ANGPT4: variants seen among roughly 807,000 people sequenced by gnomAD.
ANGPT4 encodes angiopoietin-4.
In ANGPT4, 50 loss-of-function variants were observed where a neutral mutation model predicts 53.0. The ratio of observed to expected loss-of-function variants is 0.94; its 90% CI spans 0.75 to 1.20. ANGPT4 has a LOEUF of 1.20. Among genes scored for constraint, ANGPT4 ranks in the 50% most tolerant of loss-of-function variants. The pLI, the probability that ANGPT4 is intolerant of heterozygous loss-of-function variation, is 0.00. For synonymous variants in ANGPT4, 251 were observed against 259.7 expected, an observed-to-expected ratio of 0.97 and a Z score of 0.32; for missense variants, 648 against 637.1, an observed-to-expected ratio of 1.02 and a Z score of -0.18.
intron 1 of ANGPT4, among the ~76,000 whole-genome samples, chr20:893,284 A>C (rs1981919736): frequency 6.6e-6 from 1 of 152,218 alleles, no homozygotes; most frequent in Admixed American, 6.5e-5. Context: ...TTCATATCAC[A>C]ACACACTCTT....
chr20:912,971 C>T (rs972055231), intron 1 of ANGPT4, among the ~76,000 whole-genome samples: 1 of 152,124 alleles, frequency 6.6e-6, no homozygotes, highest in East Asian at 1.9e-4. Flanking sequence ...CCCTCTCTGG[C>T]CTGTTTCCTC....
At position 874,393 on chromosome 20, in the gene ANGPT4, G is replaced by T. The variant is rs145865328; in HGVS notation, c.1242C>A (p.Ser414Arg). 218 of 1,613,676 alleles carry T rather than the reference G, an allele frequency of 1.4e-4. 1 individual carries two copies. The African/African-American group carries it at 2.7e-3, about 20-fold the overall frequency. Reference sequence around the variant, plus strand: ...GGCTGCTCTGGCGCCCTGCTGAGCCGCTGTACCCGACCACAGAAAGCCTGG... The same window carrying T: ...GGCTGCTCTGGCGCCCTGCTGAGCCTCTGTACCCGACCACAGAAAGCCTGG... ...QLYRLSVVGY[S>R]GSAGRQSSLV... Residue 414 changes from serine to arginine, a missense_variant, in exon 8 of 9, where the codon AGC becomes AGA. Transcript: ENST00000381922.
chr20:903,942 A>AT (rs1982383063), intron 1 of ANGPT4, among the ~76,000 whole-genome samples: 1 of 152,148 alleles, frequency 6.6e-6, no homozygotes, highest in Admixed American at 6.5e-5. Context: ...CATTTCACAG[A>AT]TGGGAAAACT....
intron 1 of ANGPT4, among the ~76,000 whole-genome samples, chr20:891,398 T>A (rs1454580993): frequency 6.6e-6 from 1 of 152,250 alleles, no homozygotes; most frequent in Non-Finnish European, 1.5e-5. Context: ...TTGACAGGGC[T>A]GCTCTCTTTC....
At chr20:896,456 G>T (rs183665639) in intron 1 of ANGPT4, among the ~76,000 whole-genome samples, 1 of 152,192 alleles carries the variant, frequency 6.6e-6, no homozygotes, top group Admixed American at 6.5e-5. Flanking sequence ...AGTCAGGAGG[G>T]AGGGAATTCC....
At chr20:913,677 A>G (rs1388997348) in intron 1 of ANGPT4, among the ~76,000 whole-genome samples, 1 of 152,218 alleles carries the variant, frequency 6.6e-6, no homozygotes, top group Non-Finnish European at 1.5e-5. Context: ...GATGAGAGTG[A>G]GAGGTGAGAC....
intron 3 of ANGPT4, among the ~76,000 whole-genome samples, chr20:885,689 T>A (rs12625562): frequency 0.16 from 23,557 of 151,850 alleles, 2,138 homozygotes; most frequent in East Asian, 0.46. Flanking sequence ...AAAAACAAAC[T>A]AACCAACCAA....
Position 872,702 on chromosome 20 carries a change from G to A in ANGPT4, c.*258C>T, listed in dbSNP as rs957418381. ...AGGTACTGTGACCCTCAGGCAGGGA[G>A]CCCCTGAAGGGGGAGGGAGAGAAGA... is the stretch of plus-strand genomic sequence containing the variant. On this transcript the variant is annotated 3_prime_UTR_variant, in exon 9 of 9. Coordinates refer to ENST00000381922, the MANE Select transcript of ANGPT4 (RefSeq NM_015985.4). 7.8e-5 allele frequency: 38 copies of A among 488,732 alleles called. No homozygotes were observed. In the East Asian group the frequency reaches 1.4e-3, roughly 18 times the overall value. The allele number at this position is 488,732 out of a possible 1,614,324, so 30.3% of individuals were successfully genotyped here.
In ANGPT4 at chr20:915,998, G is replaced by C. The variant is rs146463028; in HGVS notation, c.217C>G (p.Leu73Val). Residue 73 changes from leucine (L) to valine (V), a missense_variant, in exon 1 of 9, where the codon CTG becomes GTG. Coordinates refer to ENST00000381922, the MANE Select transcript of ANGPT4 (RefSeq NM_015985.4). Reference sequence around the variant, plus strand: ...TTCCCCAGGTGCAGTGGGTTGGCCAGTGATTCTCTCTGGAGGGTGTTGGAG... The same window carrying C: ...TTCCCCAGGTGCAGTGGGTTGGCCACTGATTCTCTCTGGAGGGTGTTGGAG... Reference protein sequence around the residue: ...RDSNTLQRESLANPLHLGKLP... With the variant: ...RDSNTLQRESVANPLHLGKLP... 1 of 1,613,692 alleles carries C rather than the reference G, an allele frequency of 6.2e-7. No homozygotes were observed. Among genetic ancestry groups the C allele is most frequent in the East Asian group, 2.2e-5 (1 of 44,866 alleles).
intron 1 of ANGPT4, among the ~76,000 whole-genome samples, chr20:912,779 G>A (rs995063599): frequency 2.6e-5 from 4 of 151,912 alleles, no homozygotes; most frequent in African/African-American, 9.7e-5. Context: ...TGCTAGGAAA[G>A]AGTGCGTATC....
Position 890,283 on chromosome 20 carries a change from A to G in ANGPT4, c.395T>C (p.Leu132Pro), listed in dbSNP as rs139958114. The change falls in exon 2 of 9, where the codon CTA (leucine) becomes CCA (proline). Residue 132 changes from leucine to proline, a missense_variant. By Grantham distance (98) the Leu-to-Pro change is moderately conservative. Transcript: ENST00000381922. ...QMAQNQTAPM[L>P]ELGTSLLNQT... Reference sequence around the variant, plus strand: ...GTTCAGGAGGCTGGTGCCCAGCTCTAGCATGGGGGCCGTCTGATTCTGGGC... The same window carrying G: ...GTTCAGGAGGCTGGTGCCCAGCTCTGGCATGGGGGCCGTCTGATTCTGGGC... 2.5e-5 allele frequency: 40 copies of G among 1,613,848 alleles called. No homozygotes were observed. In the African/African-American group the frequency reaches 5.1e-4, roughly 20 times the overall value.
At chr20:894,089 C>T (rs954799794) in intron 1 of ANGPT4, among the ~76,000 whole-genome samples, 2 of 152,094 alleles carry the variant, frequency 1.3e-5, no homozygotes, top group Non-Finnish European at 2.9e-5. Flanking sequence ...GCTCGAATGC[C>T]TGGGTTTATA....
intron 7 of ANGPT4, among the ~76,000 whole-genome samples, chr20:875,793 C>T (rs964568753): frequency 3.9e-5 from 6 of 152,054 alleles, no homozygotes; most frequent in African/African-American, 1.4e-4. Context: ...GGGGAGGCTG[C>T]ACTGGCAGCT....
intron 1 of ANGPT4, among the ~76,000 whole-genome samples, chr20:912,692 G>GGA (rs1276406374): frequency 6.6e-6 from 1 of 152,058 alleles, no homozygotes; most frequent in Non-Finnish European, 1.5e-5. Flanking sequence ...GTATGAAAGA[G>GGA]GAGAGAGAGA....
At position 878,194 on chromosome 20, in the gene ANGPT4, T is replaced by C; in HGVS notation, c.1187A>G (p.His396Arg). ...CTGGTTCTCACTGCCCAGGTGGAAA[T>C]GTTCGTACTGGGCATAGGCCTCGTG... ...EGHEAYAQYE[H>R]FHLGSENQLY... The change falls in exon 7 of 9, where the codon CAT becomes CGT. Residue 396 changes from histidine to arginine, a missense_variant. By Grantham distance (29) the His-to-Arg change is conservative. Transcript: ENST00000381922. The C allele has an allele frequency of 1.9e-6, 3 of 1,605,806 alleles. No homozygotes were observed. The highest frequency in any genetic ancestry group is 1.1e-5 in the South Asian group (1 of 90,886).
In ANGPT4 at chr20:900,970, C is replaced by T. The variant is rs866828396; in HGVS notation, c.310-10602G>A. On this transcript the variant is annotated intron_variant, in intron 1 of 8. Coordinates refer to ENST00000381922, the MANE Select transcript of ANGPT4 (RefSeq NM_015985.4). Reference sequence around the variant, plus strand: ...CCAGGCCATCACCAATCATTCTATACGACAAATGCTCCTTCTAACAACCCC... The same window carrying T: ...CCAGGCCATCACCAATCATTCTATATGACAAATGCTCCTTCTAACAACCCC... 9.2e-5 allele frequency among the ~76,000 whole-genome samples: 14 copies of T among 152,140 alleles called. No individual in the cohort carries two copies. The East Asian group carries it at 9.6e-4, about 10-fold the overall frequency.
intron 1 of ANGPT4, among the ~76,000 whole-genome samples, chr20:913,183 CT>C (rs573315279): frequency 6.6e-6 from 1 of 151,998 alleles, no homozygotes; most frequent in Non-Finnish European, 1.5e-5. Context: ...TTTTAAAACT[CT>C]TTTTTTAACT....
intron 1 of ANGPT4, among the ~76,000 whole-genome samples, chr20:891,282 C>T (rs992052314): frequency 6.6e-6 from 1 of 152,212 alleles, no homozygotes; most frequent in Non-Finnish European, 1.5e-5. Context: ...GCTGTGTTTT[C>T]TATCTTCAGA....
Position 911,686 on chromosome 20 carries a change from G to A in ANGPT4, c.309+4220C>T, listed in dbSNP as rs1037026530. ...AGAGACAGGCTGACCACAGTGGCTC[G>A]TGTCCGCCGTCCCAGCTACTTGGAA... On this transcript the variant is annotated intron_variant, in intron 1 of 8. Coordinates refer to ENST00000381922, the MANE Select transcript of ANGPT4 (RefSeq NM_015985.4). This position sits in a 1 kb window ranked among gnomAD's most constrained non-coding sequence, Gnocchi z 4.9. 1.3e-5 allele frequency among the ~76,000 whole-genome samples: 2 copies of A among 152,170 alleles called. No homozygotes were observed. The highest frequency in any genetic ancestry group is 4.8e-5 in the African/African-American group (2 of 41,548).
Sources: allele counts gnomAD v4.1 joint callset (sites outside exome capture counted in the v4.1 genomes callset), GRCh38; gene constraint gnomAD v4.1.1; non-coding constraint Gnocchi (gnomAD v3.1); transcripts MANE v1.5; gene names NCBI Gene and HGNC (gene_info 2026-07-23, HGNC 2026-07-21).